Variants in TRMT44 observed in about 807,000 individuals in gnomAD.
TRMT44 encodes the protein tRNA methyltransferase 44 homolog, also known as probable tRNA (uracil-O(2)-)-methyltransferase.
A neutral mutation model predicts 77.3 loss-of-function variants in TRMT44; 78 were observed. The observed-to-expected ratio is 1.01, with a 90% CI of 0.84 to 1.22. The LOEUF is 1.22. Among genes scored for constraint, TRMT44 ranks in the 50% most tolerant of loss-of-function variants. The pLI, the probability that TRMT44 is intolerant of heterozygous loss-of-function variation, is 0.00. For synonymous variants in TRMT44, 391 were observed against 383.3 expected (o/e 1.02, Z -0.23); for missense variants, 1,090 against 964.4 (o/e 1.13, Z -1.73).
chr4:8,449,749 A>G lies in TRMT44; in HGVS notation c.815A>G (p.Glu272Gly). ...IVYPKPTWLG[E>G]ELLAKLAKWS... is the part of the protein sequence containing the mutation. ...TATCCCAAACCCACGTGGCTTGGAG[A>G]AGAGTTGCTGGCCAAGTTGGCCAAG... The change falls in exon 3 of 11, where the codon GAA becomes GGA. Residue 272 changes from glutamate (E) to glycine (G), a missense_variant. Coordinates refer to ENST00000389737, the MANE Select transcript of TRMT44 (RefSeq NM_152544.3). 6.5e-7 allele frequency: 1 copy of G among 1,536,016 alleles called. No homozygotes were observed.
chr4:8,499,986 C>T, the TRMT44 span, among the ~76,000 whole-genome samples: 1 of 152,204 alleles, frequency 6.6e-6, no homozygotes, highest in Non-Finnish European at 1.5e-5. Flanking sequence ...CCCATCACTT[C>T]GGGAGGCCAA....
In TRMT44 at chr4:8,452,826, A is replaced by T; in HGVS notation, c.1024-56A>T. 9.9e-7 allele frequency: 1 copy of T among 1,009,774 alleles called. No individual in the cohort carries two copies. The highest frequency in any genetic ancestry group is 1.6e-5 in the South Asian group (1 of 62,642). 62.6% of individuals were successfully genotyped at this position (1,009,774 alleles called of 1,614,324 possible). Reference sequence around the variant, plus strand: ...TCTTTGACCAGTTTGTGTCTAAATTATTCTTGCGTAGAGTGAATTACCACC... The same window carrying T: ...TCTTTGACCAGTTTGTGTCTAAATTTTTCTTGCGTAGAGTGAATTACCACC... On this transcript the variant is annotated intron_variant, in intron 4 of 10. Coordinates refer to ENST00000389737, the MANE Select transcript of TRMT44 (RefSeq NM_152544.3). This position sits in a 1 kb window ranked among gnomAD's most constrained non-coding sequence, Gnocchi z 5.7.
intron 10 of TRMT44, 118 bp downstream of exon 10, chr4:8,471,318 G>A: frequency 1.4e-6 from 1 of 730,906 alleles, no homozygotes; most frequent in Non-Finnish European, 2.1e-6. Flanking sequence ...GAAGCAGCAA[G>A]TTCCGCGGTG....
In TRMT44 at chr4:8,468,188, A is replaced by G. The variant is rs751769169; in HGVS notation, c.1769A>G (p.His590Arg). Reference protein sequence around the residue: ...QAEGPWLPGFHPREKAERVRN... With the variant: ...QAEGPWLPGFRPREKAERVRN... ...GAAGGACCCTGGCTACCTGGATTTCATCCCAGAGAAAAGGCTGAGCGTGTG... is the reference window on the plus strand; with the variant it reads ...GAAGGACCCTGGCTACCTGGATTTCGTCCCAGAGAAAAGGCTGAGCGTGTG... The change falls in exon 9 of 11, where the codon CAT (histidine) becomes CGT (arginine). Residue 590 changes from histidine (H) to arginine (R), a missense_variant. Physicochemically the swap from His to Arg is conservative, Grantham distance 29. Transcript: ENST00000389737. The G allele has an allele frequency of 2.8e-5, 45 of 1,614,104 alleles. No homozygotes were observed. Among genetic ancestry groups the G allele is most frequent in the Non-Finnish European group, 3.5e-5 (41 of 1,180,058 alleles).
chr4:8,449,161 A>G (rs1725263274), intron 2 of TRMT44, among the ~76,000 whole-genome samples: 1 of 152,252 alleles, frequency 6.6e-6, no homozygotes, highest in African/African-American at 2.4e-5. Context: ...CAAGACAGAC[A>G]GAAGCCCCCC....
At chr4:8,497,274 T>C (rs1156838412), downstream of TRMT44, among the ~76,000 whole-genome samples, 1 of 152,256 alleles carries the variant, frequency 6.6e-6, no homozygotes, top group African/African-American at 2.4e-5. Context: ...GTTTTTCGTT[T>C]GATGCAGCTG....
the TRMT44 span, among the ~76,000 whole-genome samples, chr4:8,511,453 ACT>A: frequency 6.6e-6 from 1 of 152,128 alleles, no homozygotes; most frequent in Admixed American, 6.5e-5. Flanking sequence ...TGGAACGGAG[ACT>A]TTGCAGAAGT....
At chr4:8,512,688 G>A in the TRMT44 span, 3 of 152,222 alleles carry the variant, frequency 2.0e-5, no homozygotes, top group Admixed American at 6.5e-5. Flanking sequence ...TGACCCATGA[G>A]TGTCTGATCG....
At chr4:8,466,991 G>T (rs1316968598) in intron 8 of TRMT44, among the ~76,000 whole-genome samples, 1 of 152,202 alleles carries the variant, frequency 6.6e-6, no homozygotes, top group African/African-American at 2.4e-5. Flanking sequence ...TGGCCTTGTA[G>T]TTGATGCCTG....
At chr4:8,472,405 C>G (rs1727068306) in intron 10 of TRMT44, among the ~76,000 whole-genome samples, 1 of 152,206 alleles carries the variant, frequency 6.6e-6, no homozygotes, top group African/African-American at 2.4e-5. Flanking sequence ...ACACCGAAGT[C>G]ACAGTGGGAA....
chr4:8,514,974 T>C, the TRMT44 span, among the ~76,000 whole-genome samples: 1 of 152,100 alleles, frequency 6.6e-6, no homozygotes, highest in Non-Finnish European at 1.5e-5. Context: ...TTATTTGTTA[T>C]TATTATCTTG....
chr4:8,489,914 A>C (rs924103929), intron 2 of TRMT44, among the ~76,000 whole-genome samples: 2 of 152,244 alleles, frequency 1.3e-5, no homozygotes, highest in African/African-American at 4.8e-5. Flanking sequence ...CCATTATATC[A>C]GAGGTTAAAG....
At position 8,464,063 on chromosome 4, in the gene TRMT44, A is replaced by G. The variant is rs371365719; in HGVS notation, c.1282A>G (p.Thr428Ala). 1.1e-5 allele frequency: 17 copies of G among 1,613,958 alleles called. No individual in the cohort carries two copies. The East Asian group carries it at 2.0e-4, about 19-fold the overall frequency. Residue 428 changes from threonine to alanine, a missense_variant, in exon 7 of 11, where the codon ACA becomes GCA. Coordinates refer to ENST00000389737, the MANE Select transcript of TRMT44 (RefSeq NM_152544.3). ...AATCGGTAACCATTCTGATGAACTC[A>G]CACCATGGATACCTGTCATTGCAGC... ...WLIGNHSDEL[T>A]PWIPVIAARS...
At chr4:8,472,683 G>A (rs1355728743) in intron 10 of TRMT44, among the ~76,000 whole-genome samples, 1 of 152,170 alleles carries the variant, frequency 6.6e-6, no homozygotes, top group Non-Finnish European at 1.5e-5. Flanking sequence ...GTGGGGGGCC[G>A]GTGAGCATGG....
chr4:8,456,059 T>TA (rs1264378485), intron 6 of TRMT44, among the ~76,000 whole-genome samples: 2 of 152,210 alleles, frequency 1.3e-5, no homozygotes, highest in East Asian at 3.8e-4. Context: ...TATCAAAACT[T>TA]ACACAAACCC....
chr4:8,484,198 A>T (rs1489309569), intron 2 of TRMT44, among the ~76,000 whole-genome samples: 1 of 152,106 alleles, frequency 6.6e-6, no homozygotes, highest in Non-Finnish European at 1.5e-5. Flanking sequence ...AGAAGAAGGA[A>T]ATGTGGGGAA....
In TRMT44 at chr4:8,446,491, C is replaced by T; in HGVS notation, c.635C>T (p.Thr212Ile). 1 of 1,535,928 alleles carries T rather than the reference C, an allele frequency of 6.5e-7. No individual in the cohort carries two copies. The highest frequency in any genetic ancestry group is 8.7e-7 in the Non-Finnish European group (1 of 1,146,392). The change falls in exon 2 of 11, where the codon ACC becomes ATC. Residue 212 changes from threonine (T) to isoleucine (I), a missense_variant. Physicochemically the swap from Thr to Ile is moderately conservative, Grantham distance 89 (BLOSUM62 -1). Transcript: ENST00000389737. The surrounding 1 kb of genome is among the most constrained non-coding windows in gnomAD (Gnocchi z 4.3). ...TTCTTTCCAGATGTCCTCAATGGAA[C>T]CATAACGTTTTTGCCTTTGGAAGAA... ...EIVVQDVLNG[T>I]ITFLPLEEDD... is the part of the protein sequence containing the mutation.
chr4:8,468,409 C>G (rs778326948), intron 9 of TRMT44, 63 bp downstream of exon 9: 16 of 1,518,586 alleles, frequency 1.1e-5, no homozygotes, highest in African/African-American at 1.4e-5. Flanking sequence ...CAGGAATTCA[C>G]GTCTTCAGAA....
Position 8,441,588 on chromosome 4 carries a change from C to T in TRMT44, c.619+147C>T, listed in dbSNP as rs1453161751. 6 of 950,838 alleles carry T rather than the reference C, an allele frequency of 6.3e-6. No homozygotes were observed. The South Asian group carries it at 8.8e-5, about 14-fold the overall frequency. The allele number at this position is 950,838 out of a possible 1,614,324, so 58.9% of individuals were successfully genotyped here. On this transcript the variant is annotated intron_variant, in intron 1 of 10. Coordinates refer to ENST00000389737, the MANE Select transcript of TRMT44 (RefSeq NM_152544.3). ...TGTTTCATAGTTTTTTGAGTGGGCG[C>T]ATAGAAATGTGTGTCCTTAGTACAG...
Sources: gnomAD v4.1 joint callset for allele counts (sites outside exome capture counted in the v4.1 genomes callset) on GRCh38, gnomAD v4.1.1 for gene constraint, Gnocchi (gnomAD v3.1) non-coding constraint, MANE v1.5 for transcripts, NCBI Gene and HGNC (gene_info 2026-07-23, HGNC 2026-07-21) for gene names.